Variants in LRMDA observed in about 807,000 individuals in gnomAD.
LRMDA encodes the protein leucine-rich melanocyte differentiation-associated protein.
In LRMDA, 18 loss-of-function variants were observed where a neutral mutation model predicts 29.8. That is an observed-to-expected ratio of 0.60 (90% CI 0.42 to 0.90). LRMDA has a LOEUF of 0.90. Ranked by LOEUF, LRMDA falls within the 40% of genes least tolerant of loss-of-function variation. The pLI is 0.00. For synonymous variants in LRMDA, 125 were observed against 109.4 expected, an observed-to-expected ratio of 1.14 and a Z score of -0.89; for missense variants, 273 against 273.9, an observed-to-expected ratio of 1.00 and a Z score of 0.02.
chr10:76,232,938 G>T (rs190801263), intron 5 of LRMDA, among the ~76,000 whole-genome samples: 1 of 152,192 alleles, frequency 6.6e-6, no homozygotes, highest in Non-Finnish European at 1.5e-5. Flanking sequence ...CCACTCAAAG[G>T]TGGGCATGAC....
intron 2 of LRMDA, among the ~76,000 whole-genome samples, chr10:75,524,201 G>A (rs1845390809): frequency 6.6e-6 from 1 of 152,198 alleles, no homozygotes; most frequent in South Asian, 2.1e-4. Context: ...TTCAGGGGAA[G>A]AGACATTTTG....
intron 2 of LRMDA, among the ~76,000 whole-genome samples, chr10:75,786,763 T>C (rs760128502): frequency 1.3e-5 from 2 of 152,204 alleles, no homozygotes; most frequent in African/African-American, 2.4e-5. Context: ...TTTTTTTCTA[T>C]GTGTAATTCA....
At chr10:76,435,680 G>A (rs569325784) in intron 6 of LRMDA, among the ~76,000 whole-genome samples, 7 of 152,242 alleles carry the variant, frequency 4.6e-5, no homozygotes, top group African/African-American at 1.4e-4. Flanking sequence ...CTTATTCTTG[G>A]TGAATACTCT....
At chr10:75,774,700 T>C (rs1240781986) in intron 2 of LRMDA, among the ~76,000 whole-genome samples, 1 of 150,984 alleles carries the variant, frequency 6.6e-6, no homozygotes, top group Non-Finnish European at 1.5e-5. Context: ...CTCAAACACT[T>C]TTTTTTTTGC....
chr10:75,745,373 A>AT (rs1842879559), intron 2 of LRMDA, among the ~76,000 whole-genome samples: 1 of 152,084 alleles, frequency 6.6e-6, no homozygotes, highest in Non-Finnish European at 1.5e-5. Context: ...GCATCTTTTA[A>AT]TTTTTTGTTA....
At chr10:75,554,041 G>A (rs998709355) in intron 2 of LRMDA, among the ~76,000 whole-genome samples, 3 of 152,140 alleles carry the variant, frequency 2.0e-5, no homozygotes, top group African/African-American at 7.2e-5. Flanking sequence ...CTCTGCTAAA[G>A]AAGAAATGCT....
intron 2 of LRMDA, among the ~76,000 whole-genome samples, chr10:75,819,465 G>T (rs781687356): frequency 3.9e-5 from 6 of 152,150 alleles, no homozygotes; most frequent in Non-Finnish European, 8.8e-5. Flanking sequence ...ATTTCTTTTT[G>T]GTAGGGGAAA....
intron 5 of LRMDA, among the ~76,000 whole-genome samples, chr10:76,316,139 G>A (rs557007263): frequency 1.3e-5 from 2 of 152,212 alleles, no homozygotes; most frequent in Admixed American, 6.5e-5. Context: ...TGCAGGTAAT[G>A]AGAAGGAGAA....
chr10:76,145,459 T>C (rs1850296505), intron 5 of LRMDA, among the ~76,000 whole-genome samples: 2 of 152,172 alleles, frequency 1.3e-5, no homozygotes. Context: ...TTCTTCTAGA[T>C]TTTCTAGTTT....
At chr10:76,415,083 G>A (rs530670490) in intron 6 of LRMDA, among the ~76,000 whole-genome samples, 19 of 152,254 alleles carry the variant, frequency 1.2e-4, no homozygotes, top group Non-Finnish European at 2.5e-4. Flanking sequence ...GAGGGGAAAA[G>A]CAAGTGGCTC....
At chr10:76,342,145 GAGATCATAATATAATAAAACC>G (rs1841049672) in intron 6 of LRMDA, among the ~76,000 whole-genome samples, 1 of 152,058 alleles carries the variant, frequency 6.6e-6, no homozygotes, top group South Asian at 2.1e-4. Context: ...CAATAACACT[GAGATCATAATATAATAAAACC>G]AGAAATAACA....
At position 76,559,121 on chromosome 10, in the gene LRMDA, A is replaced by C. The variant is rs2579762; in HGVS notation, c.*1833A>C. 60,216 of 152,098 alleles carry C rather than the reference A, an allele frequency of 0.4. 13,633 individuals are homozygous for C. Among genetic ancestry groups the C allele is most frequent in the Middle Eastern group, 0.57 (168 of 294 alleles). The allele number at this position is 152,098 out of a possible 1,614,324, so 9.4% of individuals were successfully genotyped here. On this transcript the variant is annotated 3_prime_UTR_variant, in exon 7 of 7. Transcript: ENST00000611255. Reference sequence around the variant, plus strand: ...CAGAATTCTGTGCAAGGGCAGCTAGACGAGTCAGATGTCATATCCAATCTA... The same window carrying C: ...CAGAATTCTGTGCAAGGGCAGCTAGCCGAGTCAGATGTCATATCCAATCTA...
At chr10:76,433,558 T>C (rs1842213747) in intron 6 of LRMDA, among the ~76,000 whole-genome samples, 1 of 152,168 alleles carries the variant, frequency 6.6e-6, no homozygotes, top group South Asian at 2.1e-4. Flanking sequence ...TGCCTGTCAC[T>C]TTGTGGCTGC....
At chr10:76,100,045 A>T (rs1399103006) in intron 5 of LRMDA, among the ~76,000 whole-genome samples, 1 of 152,212 alleles carries the variant, frequency 6.6e-6, no homozygotes, top group Non-Finnish European at 1.5e-5. Context: ...CTGTAATCAT[A>T]GATTTTTCCC....
chr10:75,562,659 G>A (rs1213879125), intron 2 of LRMDA, among the ~76,000 whole-genome samples: 6 of 152,044 alleles, frequency 3.9e-5, no homozygotes, highest in Non-Finnish European at 5.9e-5. Context: ...ATTTTGCAGT[G>A]GCTGGTACCG....
At chr10:76,364,923 C>G (rs1432418693) in intron 6 of LRMDA, among the ~76,000 whole-genome samples, 5 of 151,520 alleles carry the variant, frequency 3.3e-5, no homozygotes, top group Non-Finnish European at 7.4e-5. Flanking sequence ...TAGCTTAGCT[C>G]CCGTATATCA....
chr10:76,096,411 C>G (rs1849312277), intron 5 of LRMDA, among the ~76,000 whole-genome samples: 1 of 151,920 alleles, frequency 6.6e-6, no homozygotes, highest in Non-Finnish European at 1.5e-5. Flanking sequence ...TCATCTTTGT[C>G]AAAAATTAAT....
intron 2 of LRMDA, among the ~76,000 whole-genome samples, chr10:75,583,333 G>C (rs1163040548): frequency 1.3e-5 from 2 of 152,162 alleles, no homozygotes; most frequent in African/African-American, 2.4e-5. Context: ...AGGCTGTGCA[G>C]GAAGCACAGC....
intron 5 of LRMDA, among the ~76,000 whole-genome samples, chr10:76,229,464 T>C (rs1852020598): frequency 6.6e-6 from 1 of 152,206 alleles, no homozygotes. Flanking sequence ...TGTACTCTAG[T>C]CTTCATTTCT....
Sources: gnomAD v4.1 joint callset for allele counts (sites outside exome capture counted in the v4.1 genomes callset) on GRCh38, gnomAD v4.1.1 for gene constraint, MANE v1.5 for transcripts, NCBI Gene and HGNC (gene_info 2026-07-23, HGNC 2026-07-21) for gene names.